The following MMP28 variants were observed in gnomAD, a reference collection of about 807,000 sequenced individuals.
The protein encoded by MMP28 is matrix metallopeptidase 28, also known as matrix metalloproteinase-28.
MMP28 carries 55 observed loss-of-function variants against 60.5 expected under a neutral mutation model. The observed-to-expected ratio is 0.91, with a 90% CI of 0.73 to 1.14. The LOEUF (loss-of-function observed/expected upper bound fraction) is 1.14. Ranked by LOEUF, MMP28 falls within the 50% of genes most tolerant of loss-of-function variation. MMP28 has a pLI of 0.00. For synonymous variants in MMP28, 318 were observed against 312.5 expected, an observed-to-expected ratio of 1.02 and a Z score of -0.18; for missense variants, 686 against 738.3, an observed-to-expected ratio of 0.93 and a Z score of 0.82.
chr17:35,763,882 G>C, downstream of MMP28: 3 of 694,692 alleles, frequency 4.3e-6, no homozygotes, highest in Non-Finnish European at 5.7e-6. Context: ...GAGCTACAGA[G>C]AGAGACCCTG....
intron 1 of MMP28, among the ~76,000 whole-genome samples, chr17:35,790,093 G>T (rs534944457): frequency 5.9e-5 from 7 of 119,332 alleles, no homozygotes; most frequent in Non-Finnish European, 1.2e-4. Context: ...TTGAGACAGA[G>T]TCTCGCTCTG....
intron 1 of MMP28, among the ~76,000 whole-genome samples, chr17:35,790,127 C>T (rs912642117): frequency 2.9e-5 from 4 of 136,790 alleles, no homozygotes; most frequent in East Asian, 4.6e-4. Context: ...AGTGCAACTG[C>T]GTGATCTCGG....
chr17:35,759,324 G>A (rs898942922), intron 2 of MMP28, among the ~76,000 whole-genome samples: 4 of 152,168 alleles, frequency 2.6e-5, no homozygotes, highest in African/African-American at 9.7e-5. Flanking sequence ...AAGGGTTTTT[G>A]GATAAGTGAG....
At chr17:35,764,582 G>C, downstream of MMP28, 1 of 1,593,534 alleles carries the variant, frequency 6.3e-7, no homozygotes, top group South Asian at 1.1e-5. Flanking sequence ...TGGATCACCC[G>C]GATCTGGGTA....
At chr17:35,779,623 T>C (rs2086441100) in intron 1 of MMP28, among the ~76,000 whole-genome samples, 2 of 152,196 alleles carry the variant, frequency 1.3e-5, no homozygotes, top group Admixed American at 6.5e-5. Flanking sequence ...TCAGTAGGAA[T>C]CTAGCAGCAC....
intron 1 of MMP28, among the ~76,000 whole-genome samples, chr17:35,783,366 C>T (rs1345878164): frequency 6.6e-6 from 1 of 152,230 alleles, no homozygotes; most frequent in Non-Finnish European, 1.5e-5. Context: ...AAAAAGGGAA[C>T]TGCTTTGAAC....
chr17:35,795,212 G>A, intron 1 of MMP28, 55 bp downstream of exon 1: 1 of 1,250,358 alleles, frequency 8.0e-7, no homozygotes, highest in Non-Finnish European at 1.0e-6. Context: ...TGACTGCCGA[G>A]TTCTGACAGG....
chr17:35,790,806 AG>A (rs1479418600), intron 1 of MMP28, among the ~76,000 whole-genome samples: 2 of 151,988 alleles, frequency 1.3e-5, no homozygotes, highest in South Asian at 2.1e-4. Flanking sequence ...TGGCCAACAT[AG>A]TGAAACCTCC....
At chr17:35,784,250 C>A (rs1165489711) in intron 1 of MMP28, among the ~76,000 whole-genome samples, 1 of 150,684 alleles carries the variant, frequency 6.6e-6, no homozygotes, top group Non-Finnish European at 1.5e-5. Flanking sequence ...ACACTGCACT[C>A]CAGCCTGGGC....
chr17:35,775,150 T>C (rs1308564025), intron 3 of MMP28, among the ~76,000 whole-genome samples: 1 of 151,998 alleles, frequency 6.6e-6, no homozygotes, highest in Non-Finnish European at 1.5e-5. Context: ...ATGTGTGTGT[T>C]TGGGGGAAGA....
At chr17:35,759,781 G>A (rs1459292587) in intron 2 of MMP28, among the ~76,000 whole-genome samples, 6 of 139,498 alleles carry the variant, frequency 4.3e-5, no homozygotes, top group South Asian at 2.2e-4. Context: ...TGCATATACC[G>A]GTATCCACTG....
intron 1 of MMP28, among the ~76,000 whole-genome samples, chr17:35,784,842 A>T (rs2086604305): frequency 6.6e-6 from 1 of 151,446 alleles, no homozygotes; most frequent in Non-Finnish European, 1.5e-5. Context: ...AGTCTAGACC[A>T]CTCCTCCTGG....
At position 35,765,929 on chromosome 17, in the gene MMP28, G is replaced by A. The variant is rs1598412861; in HGVS notation, c.*571C>T. On this transcript the variant is annotated 3_prime_UTR_variant, in exon 8 of 8. Coordinates refer to ENST00000605424, the MANE Select transcript of MMP28 (RefSeq NM_024302.5). ...TTCCAGCCCCAGACAAAAAGCCAGG[G>A]ACTGGTAGGCCTGCATCAGTCTCCC... 8.1e-6 allele frequency: 8 copies of A among 985,440 alleles called. No individual in the cohort carries two copies. Among genetic ancestry groups the A allele is most frequent in the Non-Finnish European group, 9.6e-6 (8 of 829,938 alleles). 61.0% of individuals were successfully genotyped at this position (985,440 alleles called of 1,614,324 possible). A position where few individuals can be genotyped will look rare whatever the true frequency, so the allele number is the denominator to read the frequency against.
intron 1 of MMP28, among the ~76,000 whole-genome samples, chr17:35,782,051 C>CT (rs1399946214): frequency 0.13 from 17,142 of 130,806 alleles, 1,720 homozygotes; most frequent in African/African-American, 0.25. Flanking sequence ...GTATTTCTCT[C>CT]TTTTTTTTTT....
downstream of MMP28, chr17:35,764,172 G>A: frequency 1.3e-6 from 2 of 1,548,462 alleles, no homozygotes; most frequent in Non-Finnish European, 1.7e-6. Flanking sequence ...GCGGAGGAGG[G>A]CGAAGGCCGC....
chr17:35,775,598 C>G (rs1227776090), intron 3 of MMP28, among the ~76,000 whole-genome samples: 2 of 152,256 alleles, frequency 1.3e-5, no homozygotes, highest in Non-Finnish European at 2.9e-5. Flanking sequence ...TGCAAACTTA[C>G]ATAACAAATT....
chr17:35,757,877 CCTG>C (rs2085758178), intron 2 of MMP28, among the ~76,000 whole-genome samples: 4 of 152,234 alleles, frequency 2.6e-5, no homozygotes, highest in Admixed American at 2.6e-4. Context: ...GCTTCAAACT[CCTG>C]GACTCAAGCA....
At chr17:35,770,537 C>T (rs1208267404) in intron 4 of MMP28, among the ~76,000 whole-genome samples, 1 of 152,226 alleles carries the variant, frequency 6.6e-6, no homozygotes, top group Admixed American at 6.5e-5. Context: ...GCCTAAGAGG[C>T]ACTGTGGTGT....
intron 4 of MMP28, among the ~76,000 whole-genome samples, chr17:35,771,082 C>T (rs926956253): frequency 1.3e-5 from 2 of 151,160 alleles, no homozygotes; most frequent in East Asian, 3.9e-4. Context: ...CACGAAACAA[C>T]AACAACAAAA....
Sources: allele counts gnomAD v4.1 joint callset (sites outside exome capture counted in the v4.1 genomes callset), GRCh38; gene constraint gnomAD v4.1.1; transcripts MANE v1.5; gene names NCBI Gene and HGNC (gene_info 2026-07-23, HGNC 2026-07-21).